BACE2: variants seen among roughly 807,000 people sequenced by gnomAD.
BACE2 encodes the protein beta-secretase 2.
BACE2 carries 17 observed loss-of-function variants against 46.2 expected under a neutral mutation model. The observed-to-expected ratio is 0.37, with a 90% CI of 0.25 to 0.55. The LOEUF is 0.55. Among genes scored for constraint, BACE2 ranks in the 20% least tolerant of loss-of-function variants. BACE2 has a pLI of 0.82. For synonymous variants in BACE2, 277 were observed against 295.9 expected, an observed-to-expected ratio of 0.94 and a Z score of 0.66; for missense variants, 595 against 698.1, an observed-to-expected ratio of 0.85 and a Z score of 1.66.
intron 7 of BACE2, among the ~76,000 whole-genome samples, chr21:41,254,536 T>C (rs553048136): frequency 6.6e-6 from 1 of 152,354 alleles, no homozygotes; most frequent in African/African-American, 2.4e-5. Flanking sequence ...TTTTGCACTC[T>C]TGCTTTTCTC....
At chr21:41,179,302 T>C in intron 1 of BACE2, 1 of 1,264,792 alleles carries the variant, frequency 7.9e-7, no homozygotes, top group South Asian at 1.3e-5. Context: ...GGATTGAGGG[T>C]GTCAGGGTGA....
chr21:41,178,172 A>G (rs1984929652), intron 1 of BACE2: 2 of 152,310 alleles, frequency 1.3e-5, no homozygotes, highest in Non-Finnish European at 2.9e-5. Context: ...TCGACACAGC[A>G]GGTCGGCTGG....
intron 1 of BACE2, among the ~76,000 whole-genome samples, chr21:41,191,249 T>G (rs1985561445): frequency 6.6e-6 from 1 of 152,228 alleles, no homozygotes; most frequent in African/African-American, 2.4e-5. Flanking sequence ...AAAAGGCCAT[T>G]CCAACATTCT....
chr21:41,212,492 G>GA (rs1986329738), intron 1 of BACE2, among the ~76,000 whole-genome samples: 1 of 152,322 alleles, frequency 6.6e-6, no homozygotes, highest in African/African-American at 2.4e-5. Context: ...CCTACCCTGA[G>GA]ACACTGGTAG....
Position 41,168,344 on chromosome 21 carries a change from GC to G in BACE2, c.84del (p.Phe29SerfsTer14). 2.2e-6 allele frequency: 3 copies of G among 1,374,526 alleles called. No homozygotes were observed. Among genetic ancestry groups the G allele is most frequent in the Non-Finnish European group, 2.8e-6 (3 of 1,060,606 alleles). The allele number at this position is 1,374,526 out of a possible 1,614,324, so 85.1% of individuals were successfully genotyped here. On this transcript the variant is annotated frameshift_variant, in exon 1 of 9. Coordinates refer to ENST00000330333, the MANE Select transcript of BACE2 (RefSeq NM_012105.5). LOFTEE classifies it high-confidence loss of function. ...LRAAPELAPA[P>X]FTLPLRVAAA... is the part of the protein sequence containing the mutation. ...GCGCCGCCCCGGAGCTGGCCCCCGCGCCCTTCACGCTGCCCCTCCGGGTGGC... is the reference window on the plus strand; with the variant it reads ...GCGCCGCCCCGGAGCTGGCCCCCGCGCCTTCACGCTGCCCCTCCGGGTGGC...
Position 41,281,332 on chromosome 21 carries a change from C to G in BACE2, c.*5708C>G, listed in dbSNP as rs932229194. 1.3e-5 allele frequency: 2 copies of G among 152,186 alleles called. No homozygotes were observed. Among genetic ancestry groups the G allele is most frequent in the Non-Finnish European group, 2.9e-5 (2 of 68,028 alleles). The allele number at this position is 152,186 out of a possible 1,614,324, so 9.4% of individuals were successfully genotyped here. A position where few individuals can be genotyped will look rare whatever the true frequency, so the allele number is the denominator to read the frequency against. On this transcript the variant is annotated 3_prime_UTR_variant, in exon 9 of 9. Transcript: ENST00000330333. ...GTAAGTTGGGCACAGCTGTCACTTT[C>G]GTGGTATCAATAAAAGGCTAGAAAC... is the stretch of plus-strand genomic sequence containing the variant.
chr21:41,255,158 T>TG (rs1244419432), intron 7 of BACE2, among the ~76,000 whole-genome samples: 1 of 152,120 alleles, frequency 6.6e-6, no homozygotes. Flanking sequence ...AGGTCTGATT[T>TG]GGGGGGAACA....
At chr21:41,207,749 C>T (rs1986174535) in intron 1 of BACE2, among the ~76,000 whole-genome samples, 1 of 152,244 alleles carries the variant, frequency 6.6e-6, no homozygotes, top group East Asian at 1.9e-4. Context: ...CAGCCCACAT[C>T]TGCGGAAGCT....
chr21:41,181,092 TCCTAGGCGTTATAGATTGTGAC>T (rs1364915479), intron 1 of BACE2: 2 of 167,102 alleles, frequency 1.2e-5, no homozygotes, highest in Non-Finnish European at 2.9e-5. Context: ...TATTCTTGGG[TCCTAGGCGTTATAGATTGTGAC>T]CCCTGGAGGG....
At chr21:41,200,689 G>C (rs1985935966) in intron 1 of BACE2, among the ~76,000 whole-genome samples, 1 of 152,178 alleles carries the variant, frequency 6.6e-6, no homozygotes. Context: ...GGTGGGCCCT[G>C]ATCCAGTCTG....
intron 1 of BACE2, among the ~76,000 whole-genome samples, chr21:41,189,064 G>T (rs1250132344): frequency 6.6e-6 from 1 of 152,156 alleles, no homozygotes; most frequent in Non-Finnish European, 1.5e-5. Flanking sequence ...CGATGCTGTT[G>T]ATAAGTCTGA....
At chr21:41,187,698 G>T (rs981660781) in intron 1 of BACE2, among the ~76,000 whole-genome samples, 1 of 152,046 alleles carries the variant, frequency 6.6e-6, no homozygotes, top group African/African-American at 2.4e-5. Flanking sequence ...CTGAGCAAGA[G>T]AAAATGGTTG....
chr21:41,182,145 A>G (rs540484200), intron 1 of BACE2: 5 of 167,084 alleles, frequency 3.0e-5, no homozygotes, highest in Non-Finnish European at 7.3e-5. Context: ...ACAGCATTAC[A>G]TTACCTCTTC....
intron 1 of BACE2, among the ~76,000 whole-genome samples, chr21:41,216,701 G>T (rs897991603): frequency 6.6e-6 from 1 of 152,212 alleles, no homozygotes; most frequent in Non-Finnish European, 1.5e-5. Context: ...CTGTCACTGG[G>T]GCTGCTGTGT....
chr21:41,242,869 C>T (rs1370255605), intron 4 of BACE2, among the ~76,000 whole-genome samples: 11 of 152,102 alleles, frequency 7.2e-5, no homozygotes, highest in Non-Finnish European at 1.5e-4. Context: ...CCTTTGCAGA[C>T]GTGGACCCAT....
At chr21:41,179,368 G>A in intron 1 of BACE2, 1 of 1,326,534 alleles carries the variant, frequency 7.5e-7, no homozygotes, top group Non-Finnish European at 1.0e-6. Flanking sequence ...GGGTGTCCAG[G>A]GTGAGGAGTG....
At chr21:41,272,681 A>G (rs542803700) in intron 8 of BACE2, among the ~76,000 whole-genome samples, 2 of 151,824 alleles carry the variant, frequency 1.3e-5, no homozygotes, top group Non-Finnish European at 2.9e-5. Context: ...CATGTTTAAC[A>G]TTTTCTCTGG....
intron 2 of BACE2, among the ~76,000 whole-genome samples, chr21:41,228,299 A>G (rs1986877322): frequency 6.6e-6 from 1 of 152,220 alleles, no homozygotes; most frequent in Non-Finnish European, 1.5e-5. Flanking sequence ...TAACATCACC[A>G]TGGACATGTA....
At chr21:41,216,016 G>A (rs976061488) in intron 1 of BACE2, among the ~76,000 whole-genome samples, 1 of 152,172 alleles carries the variant, frequency 6.6e-6, no homozygotes, top group South Asian at 2.1e-4. Flanking sequence ...TGTGGCATGA[G>A]GTGAGGAACC....
Sources: gnomAD v4.1 joint callset for allele counts (sites outside exome capture counted in the v4.1 genomes callset) on GRCh38, gnomAD v4.1.1 for gene constraint, MANE v1.5 for transcripts, NCBI Gene and HGNC (gene_info 2026-07-23, HGNC 2026-07-21) for gene names.